CFAP99: variants seen among roughly 807,000 people sequenced by gnomAD.
CFAP99 encodes the protein cilia and flagella associated protein 99.
CFAP99 carries 84 observed loss-of-function variants against 82.7 expected under a neutral mutation model. That is an observed-to-expected ratio of 1.02 (90% CI 0.85 to 1.22). The LOEUF is 1.22. Ranked by LOEUF, CFAP99 falls within the 50% of genes most tolerant of loss-of-function variation. The pLI is 0.00. For synonymous variants in CFAP99, 456 were observed against 429.5 expected, an observed-to-expected ratio of 1.06 and a Z score of -0.76; for missense variants, 1,059 against 983.5, an observed-to-expected ratio of 1.08 and a Z score of -1.03.
At chr4:2,451,374 C>T (rs764659953) in intron 10 of CFAP99, 22 bp downstream of exon 10, 8 of 1,532,556 alleles carry the variant, frequency 5.2e-6, no homozygotes, top group East Asian at 2.4e-5. Flanking sequence ...CAGGCCCCCC[C>T]ACCTGCCTTC....
chr4:2,427,444 C>A (rs1733709585), intron 2 of CFAP99: 1 of 152,622 alleles, frequency 6.6e-6, no homozygotes, highest in South Asian at 2.1e-4. Flanking sequence ...CAGGGGAAAT[C>A]CTGGGGGGCT....
At chr4:2,450,947 G>A in exon 9 of CFAP99, 1 of 1,535,954 alleles carries the variant, frequency 6.5e-7, no homozygotes, top group South Asian at 1.2e-5. Context: ...ACTCCTGCAG[G>A]GCTCCAAGCA....
rs553712200 is a variant in CFAP99 at position 2,460,899 on chromosome 4, C to T, written c.1661+657C>T. On this transcript the variant is annotated intron_variant, in intron 14 of 14. Coordinates refer to ENST00000635017, the Ensembl canonical transcript of CFAP99. ...GACTACAGGCACACACCACCACGCC[C>T]GGCTAACTTTTTGTATTTTAGCAGA... is the stretch of plus-strand genomic sequence containing the variant. Among the ~76,000 whole-genome samples, 274 of 152,172 alleles carry T rather than the reference C, an allele frequency of 1.8e-3. 6 individuals are homozygous for T. The highest frequency in any genetic ancestry group is 5.6e-4 in the Non-Finnish European group (38 of 68,004).
intron 2 of CFAP99, 26 bp from the exon 3 acceptor site, chr4:2,436,848 C>G (rs1156516851): frequency 1.3e-5 from 20 of 1,533,774 alleles, no homozygotes; most frequent in Non-Finnish European, 1.6e-5. Flanking sequence ...CCAGCCAGGG[C>G]CCCCCACCGG....
chr4:2,423,528 G>GGCT (rs1733624337), intron 1 of CFAP99, among the ~76,000 whole-genome samples: 1 of 152,232 alleles, frequency 6.6e-6, no homozygotes, highest in Non-Finnish European at 1.5e-5. Context: ...AGGACCCTGA[G>GGCT]GCTGGGGTGG....
chr4:2,446,049 C>T lies in CFAP99; in HGVS notation c.642+741C>T, dbSNP rs765896287. ...AATGGACTGAGCTTCCCAGAACCAACGTGGTTCTGCAACAGGACTAAGGGC... is the reference window on the plus strand; with the variant it reads ...AATGGACTGAGCTTCCCAGAACCAATGTGGTTCTGCAACAGGACTAAGGGC... On this transcript the variant is annotated intron_variant, in intron 6 of 14. Coordinates refer to ENST00000635017, the Ensembl canonical transcript of CFAP99. The surrounding 1 kb of genome is among the most constrained non-coding windows in gnomAD (Gnocchi z 5.0). Among the ~76,000 whole-genome samples the T allele has an allele frequency of 2.6e-5, 4 of 152,218 alleles. No homozygotes were observed. The highest frequency in any genetic ancestry group is 6.5e-5 in the Admixed American group (1 of 15,274).
chr4:2,437,065 C>T, intron 3 of CFAP99, 47 bp downstream of exon 3: 3 of 1,532,290 alleles, frequency 2.0e-6, no homozygotes, highest in Non-Finnish European at 1.7e-6. Flanking sequence ...AGACGGTTCA[C>T]TCAGGCTCTC....
At chr4:2,426,343 TC>T (rs934186502) in intron 1 of CFAP99, 115 bp from the exon 2 acceptor site, 1 of 682,538 alleles carries the variant, frequency 1.5e-6, no homozygotes, top group African/African-American at 1.8e-5. Flanking sequence ...CCCAGTCACA[TC>T]CGGTCTTCCT....
intron 8 of CFAP99, chr4:2,450,491 G>A (rs1734277843): frequency 7.3e-6 from 2 of 272,580 alleles, no homozygotes; most frequent in South Asian, 4.1e-5. Flanking sequence ...CAATGACCGA[G>A]TGCTCAGAGG....
intron 6 of CFAP99, among the ~76,000 whole-genome samples, chr4:2,447,949 A>G (rs1434118975): frequency 6.7e-6 from 1 of 148,810 alleles, no homozygotes; most frequent in African/African-American, 2.5e-5. Context: ...GGATGGATGG[A>G]TGGATGGATG....
intron 6 of CFAP99, among the ~76,000 whole-genome samples, chr4:2,449,384 G>A (rs1007667753): frequency 3.3e-5 from 5 of 151,980 alleles, no homozygotes; most frequent in East Asian, 1.9e-4. Context: ...CATGCTGGCC[G>A]ATGGTACGCC....
intron 13 of CFAP99, 90 bp from the exon 14 acceptor site, chr4:2,459,947 G>A (rs950869226): frequency 2.5e-6 from 3 of 1,177,786 alleles, no homozygotes; most frequent in Non-Finnish European, 3.6e-6. Context: ...TGGGCAAGGG[G>A]TGGGCCTATG....
At chr4:2,430,198 C>T (rs113565381) in intron 2 of CFAP99, among the ~76,000 whole-genome samples, 4 of 135,222 alleles carry the variant, frequency 3.0e-5, no homozygotes, top group Non-Finnish European at 4.8e-5. Flanking sequence ...ATAAACCAAA[C>T]GGCAGACTCC....
At position 2,439,011 on chromosome 4, in the gene CFAP99, G is replaced by A. The variant is rs184751834; in HGVS notation, c.351+847G>A. 6.5e-3 allele frequency among the ~76,000 whole-genome samples: 984 copies of A among 152,270 alleles called. 6 individuals are homozygous for A. The highest frequency in any genetic ancestry group is 0.031 in the Middle Eastern group (9 of 292). On this transcript the variant is annotated intron_variant, in intron 4 of 14. Coordinates refer to ENST00000635017, the Ensembl canonical transcript of CFAP99. ...CGAGGGGGAGCCTGCAGGAGCCCAC[G>A]CCCCTGACTGCCTGGGGCCACTTGC...
chr4:2,439,867 G>A (rs138927813), intron 4 of CFAP99, among the ~76,000 whole-genome samples: 6,367 of 151,642 alleles, frequency 0.042, 419 homozygotes, highest in African/African-American at 0.14. Flanking sequence ...TTTTTAAGAC[G>A]GGGTCTCGCT....
intron 6 of CFAP99, among the ~76,000 whole-genome samples, chr4:2,447,331 AGGATAAGT>A (rs1162627421): frequency 6.8e-6 from 1 of 147,284 alleles, no homozygotes; most frequent in African/African-American, 2.5e-5. Flanking sequence ...CATGCATGGA[AGGATAAGT>A]GGATGGGTGG....
At chr4:2,461,923 C>G (rs993146833) in intron 14 of CFAP99, among the ~76,000 whole-genome samples, 1 of 151,908 alleles carries the variant, frequency 6.6e-6, no homozygotes, top group East Asian at 1.9e-4. Context: ...TCAAAGGAGG[C>G]TTTCACATTT....
intron 14 of CFAP99, among the ~76,000 whole-genome samples, chr4:2,460,720 T>C (rs1195621132): frequency 6.6e-6 from 1 of 152,180 alleles, no homozygotes; most frequent in Non-Finnish European, 1.5e-5. Context: ...TTTCCCCAGG[T>C]GTCCAAAGAC....
intron 6 of CFAP99, among the ~76,000 whole-genome samples, 166 bp downstream of exon 6, chr4:2,445,474 C>T (rs1348957483): frequency 2.0e-5 from 3 of 152,126 alleles, no homozygotes; most frequent in African/African-American, 7.2e-5. Flanking sequence ...CCACTCCCCA[C>T]AGAGAGGGAA....
Sources: gnomAD v4.1 joint callset for allele counts (sites outside exome capture counted in the v4.1 genomes callset) on GRCh38, gnomAD v4.1.1 for gene constraint, Gnocchi (gnomAD v3.1) non-coding constraint, MANE v1.5 for transcripts, NCBI Gene and HGNC (gene_info 2026-07-23, HGNC 2026-07-21) for gene names.